Variants in CACNA1H observed in about 807,000 individuals in gnomAD.
CACNA1H encodes calcium voltage-gated channel subunit alpha1 H.
In CACNA1H, 149 loss-of-function variants were observed where a neutral mutation model predicts 192.5. The ratio of observed to expected loss-of-function variants is 0.77; its 90% CI spans 0.68 to 0.89. The LOEUF (loss-of-function observed/expected upper bound fraction) is 0.89. Among genes scored for constraint, CACNA1H ranks in the 40% least tolerant of loss-of-function variants. CACNA1H has a pLI of 0.00. For synonymous variants in CACNA1H, 2,202 were observed against 1,475.2 expected, an observed-to-expected ratio of 1.49 and a Z score of -11.29; for missense variants, 4,257 against 3,423.5, an observed-to-expected ratio of 1.24 and a Z score of -6.08.
At chr16:1,191,823 C>T (rs531432232) in intron 2 of CACNA1H, among the ~76,000 whole-genome samples, 36 of 127,342 alleles carry the variant, frequency 2.8e-4, no homozygotes, top group African/African-American at 1.1e-3. Context: ...TTTCGGTGAC[C>T]CAGCAGGCTG....
Position 1,167,145 on chromosome 16 carries a change from C to T in CACNA1H, c.299+13109C>T, listed in dbSNP as rs1339225373. On this transcript the variant is annotated intron_variant, in intron 2 of 34. Coordinates refer to ENST00000348261, the MANE Select transcript of CACNA1H (RefSeq NM_021098.3). This position sits in a 1 kb window ranked among gnomAD's most constrained non-coding sequence, Gnocchi z 4.2. Reference sequence around the variant, plus strand: ...GAGTGGACACGGCCCTTCCTTTCCTCGCCGACCCTTTGGGGCGTCTCCCAT... The same window carrying T: ...GAGTGGACACGGCCCTTCCTTTCCTTGCCGACCCTTTGGGGCGTCTCCCAT... 1.3e-5 allele frequency among the ~76,000 whole-genome samples: 2 copies of T among 152,208 alleles called. No individual in the cohort carries two copies. The highest frequency in any genetic ancestry group is 2.9e-5 in the Non-Finnish European group (2 of 68,042).
chr16:1,215,144 G>T, intron 28 of CACNA1H, 63 bp downstream of exon 28: 1 of 1,583,382 alleles, frequency 6.3e-7, no homozygotes. Context: ...GCTGGGGGCA[G>T]GTGAGGCCGC....
chr16:1,214,224 G>A (rs1969799895), intron 27 of CACNA1H, among the ~76,000 whole-genome samples: 1 of 152,230 alleles, frequency 6.6e-6, no homozygotes, highest in African/African-American at 2.4e-5. Context: ...CCGACCCATG[G>A]GGAGGGGCGG....
chr16:1,204,670 G>T (rs1214466413), intron 10 of CACNA1H, among the ~76,000 whole-genome samples: 1 of 151,912 alleles, frequency 6.6e-6, no homozygotes, highest in Non-Finnish European at 1.5e-5. Context: ...CTCTCTAGAC[G>T]GCAGCTGATT....
chr16:1,162,640 G>GC (rs1022733306), intron 2 of CACNA1H, among the ~76,000 whole-genome samples: 1 of 62,816 alleles, frequency 1.6e-5, no homozygotes, highest in African/African-American at 7.2e-5. Context: ...CACCTGGAGT[G>GC]GGGGGGGGGG....
chr16:1,207,975 G>C, intron 15 of CACNA1H, 38 bp from the exon 16 acceptor site: 1 of 1,563,102 alleles, frequency 6.4e-7, no homozygotes, highest in South Asian at 1.2e-5. Context: ...CTGGGAGCCT[G>C]GCAGCTCTAG....
At position 1,198,700 on chromosome 16, in the gene CACNA1H, T is replaced by G. The variant is rs763173347; in HGVS notation, c.729T>G (p.Ile243Met). The change falls in exon 6 of 35, where the codon ATT (isoleucine) becomes ATG (methionine). Residue 243 changes from isoleucine to methionine, a missense_variant. Coordinates refer to ENST00000348261, the MANE Select transcript of CACNA1H (RefSeq NM_021098.3). ...VLLLCFFVFF[I>M]FGIVGVQLWA... ...TGCTGTGCTTCTTCGTCTTCTTCAT[T>G]TTCGGCATCGTTGGCGTCCAGCTCT... 1 of 1,613,474 alleles carries G rather than the reference T, an allele frequency of 6.2e-7. No homozygotes were observed. Among genetic ancestry groups the G allele is most frequent in the Non-Finnish European group, 8.5e-7 (1 of 1,179,646 alleles).
chr16:1,164,875 C>T (rs1270501251), intron 2 of CACNA1H, among the ~76,000 whole-genome samples: 1 of 152,118 alleles, frequency 6.6e-6, no homozygotes, highest in African/African-American at 2.4e-5. Flanking sequence ...CCCGTGGCCC[C>T]GTTTGGGTTT....
At chr16:1,205,951 T>C (rs1425022956) in intron 11 of CACNA1H, among the ~76,000 whole-genome samples, 153 bp from the exon 12 acceptor site, 4 of 152,200 alleles carry the variant, frequency 2.6e-5, no homozygotes, top group Non-Finnish European at 5.9e-5. Flanking sequence ...TCCGCAGCTG[T>C]TCATGCACCT....
At chr16:1,194,932 C>G (rs780729427) in intron 2 of CACNA1H, 40 bp from the exon 3 acceptor site, 473 of 1,486,446 alleles carry the variant, frequency 3.2e-4, no homozygotes, top group Non-Finnish European at 4.2e-4. Flanking sequence ...GGGAGCGGGT[C>G]CCGGGCCGCG....
chr16:1,154,515 G>T (rs962319710), intron 2 of CACNA1H, among the ~76,000 whole-genome samples: 1 of 152,198 alleles, frequency 6.6e-6, no homozygotes, highest in African/African-American at 2.4e-5. Flanking sequence ...TGGTGGTTCC[G>T]AGTGCGTGGG....
In CACNA1H at chr16:1,221,014, C is replaced by G; in HGVS notation, c.*20C>G. On this transcript the variant is annotated 3_prime_UTR_variant, in exon 35 of 35. Coordinates refer to ENST00000348261, the MANE Select transcript of CACNA1H (RefSeq NM_021098.3). ...GTGTAGCTCGGGGCTTGGTGCCGCC[C>G]ACGGCTTTGGCCCTGGGGTCTGGGG... The G allele has an allele frequency of 6.5e-7, 1 of 1,535,732 alleles. No individual in the cohort carries two copies. The highest frequency in any genetic ancestry group is 8.7e-7 in the Non-Finnish European group (1 of 1,145,314).
At chr16:1,169,766 C>T (rs1389558293) in intron 2 of CACNA1H, among the ~76,000 whole-genome samples, 1 of 152,214 alleles carries the variant, frequency 6.6e-6, no homozygotes, top group Non-Finnish European at 1.5e-5. Context: ...AACGTTTGTC[C>T]GTCTGCCTCC....
At position 1,209,323 on chromosome 16, in the gene CACNA1H, G is replaced by T. The variant is rs746322724; in HGVS notation, c.3655G>T (p.Gly1219Trp). The change falls in exon 17 of 35, where the codon GGG (glycine) becomes TGG (tryptophan). Residue 1219 changes from glycine to tryptophan, a missense_variant. By Grantham distance (184) the Gly-to-Trp change is radical. Coordinates refer to ENST00000348261, the MANE Select transcript of CACNA1H (RefSeq NM_021098.3). ...LPPTKCRDRDGQVVALPSDFF... is the reference protein window; with the variant it reads ...LPPTKCRDRDWQVVALPSDFF... ...GCCTACCAAGTGCCGCGATCGCGAC[G>T]GGCAGGTGGTGGCCCTGCCCAGCGA... 1.3e-6 allele frequency: 2 copies of T among 1,597,902 alleles called. No individual in the cohort carries two copies. Among genetic ancestry groups the T allele is most frequent in the Admixed American group, 1.7e-5 (1 of 59,958 alleles).
At chr16:1,190,525 G>A (rs936912312) in intron 2 of CACNA1H, among the ~76,000 whole-genome samples, 3 of 152,240 alleles carry the variant, frequency 2.0e-5, no homozygotes, top group African/African-American at 7.2e-5. Flanking sequence ...GGGGGGCACT[G>A]GGACCTGGTA....
rs1476249637 is a variant in CACNA1H, at chr16:1,165,972, GTGGTGGC to G, written c.299+11938_299+11944del. Among the ~76,000 whole-genome samples, 337 of 152,284 alleles carry G rather than the reference GTGGTGGC, an allele frequency of 2.2e-3. 2 individuals carry two copies. Among genetic ancestry groups the G allele is most frequent in the African/African-American group, 7.5e-3 (313 of 41,552 alleles). On this transcript the variant is annotated intron_variant, in intron 2 of 34. Transcript: ENST00000348261. The stretch of plus-strand genomic sequence containing the variant: ...ACACCGGCCCGTGCATCTTTTAATT[GTGGTGGC>G]TCTTTCTGGGCTGAGGTCCCTTCTC...
At chr16:1,212,753 C>T (rs1299260352) in intron 26 of CACNA1H, among the ~76,000 whole-genome samples, 1 of 152,230 alleles carries the variant, frequency 6.6e-6, no homozygotes, top group Admixed American at 6.5e-5. Context: ...TGCATCTCCG[C>T]CGTGCGCCGG....
At position 1,180,526 on chromosome 16, in the gene CACNA1H, G is replaced by A. The variant is rs1965357605; in HGVS notation, c.300-14446G>A. ...GTCCCCATACCCCCTCCGAGGCACA[G>A]CCACAGTCTCTGGGTCCTGAGCAGG... On this transcript the variant is annotated intron_variant, in intron 2 of 34. Coordinates refer to ENST00000348261, the MANE Select transcript of CACNA1H (RefSeq NM_021098.3). This position sits in a 1 kb window ranked among gnomAD's most constrained non-coding sequence, Gnocchi z 4.4. Among the ~76,000 whole-genome samples the A allele has an allele frequency of 1.3e-5, 2 of 152,196 alleles. No individual in the cohort carries two copies. Among genetic ancestry groups the A allele is most frequent in the African/African-American group, 4.8e-5 (2 of 41,456 alleles).
rs753696656 is a variant in CACNA1H, at chr16:1,209,113, G to A, written c.3445G>A (p.Gly1149Ser). The A allele has an allele frequency of 3.9e-6, 6 of 1,555,698 alleles. No homozygotes were observed. Among genetic ancestry groups the A allele is most frequent in the South Asian group, 1.2e-5 (1 of 84,390 alleles). Residue 1149 changes from glycine to serine, a missense_variant, in exon 17 of 35, where the codon GGC becomes AGC. Coordinates refer to ENST00000348261, the MANE Select transcript of CACNA1H (RefSeq NM_021098.3). ...CCGGCGCTCCAGCTGGAGCAGCCTG[G>A]GCCGTGCCCCCAGCCTCAAGCGCCG... ...SSRRSSWSSL[G>S]RAPSLKRRGQ...
Sources: gnomAD v4.1 joint callset for allele counts (sites outside exome capture counted in the v4.1 genomes callset) on GRCh38, gnomAD v4.1.1 for gene constraint, Gnocchi (gnomAD v3.1) non-coding constraint, MANE v1.5 for transcripts, NCBI Gene and HGNC (gene_info 2026-07-23, HGNC 2026-07-21) for gene names.